The following ZBTB20 variants were observed in gnomAD, a reference collection of about 807,000 sequenced individuals.
ZBTB20 encodes zinc finger and BTB domain containing 20.
In ZBTB20, 9 loss-of-function variants were observed where a neutral mutation model predicts 56.9. That is an observed-to-expected ratio of 0.16 (90% CI 0.10 to 0.28). The LOEUF (loss-of-function observed/expected upper bound fraction) is 0.28, where lower values mean the gene tolerates loss of function less well. Ranked by LOEUF, ZBTB20 falls within the 10% of genes least tolerant of loss-of-function variation. ZBTB20 has a pLI of 1.00. For synonymous variants in ZBTB20, 417 were observed against 420.7 expected (o/e 0.99, Z 0.11); for missense variants, 655 against 1,003.0 (o/e 0.65, Z 4.69).
At position 114,315,605 on chromosome 3, in the gene ZBTB20, G is replaced by GTGTGTA. The variant is rs2078653198; in HGVS notation, c.*23399_*23400insTACACA. 1 of 151,886 alleles carries GTGTGTA rather than the reference G, an allele frequency of 6.6e-6. No homozygotes were observed. Among genetic ancestry groups the GTGTGTA allele is most frequent in the Non-Finnish European group, 1.5e-5 (1 of 68,704 alleles). The allele number at this position is 151,886 out of a possible 1,614,324, so 9.4% of individuals were successfully genotyped here. On this transcript the variant is annotated 3_prime_UTR_variant, in exon 12 of 12. Transcript: ENST00000675478. Reference sequence around the variant, plus strand: ...TGTGTGTGTGTGTGTGTGTGTGTGTGTACACAGTAGCAATTGCAAAAAAGG... The same window carrying GTGTGTA: ...TGTGTGTGTGTGTGTGTGTGTGTGTGTGTGTATACACAGTAGCAATTGCAAAAAAGG...
rs936584709 is a variant in ZBTB20 at position 114,588,372 on chromosome 3, A to G, written c.-294-87981T>C. ...TCTTAAAATGAATATGTGTCCAACC[A>G]GTGGAAACCTGAGTGAGGAATGTCT... On this transcript the variant is annotated intron_variant, in intron 6 of 11. Transcript: ENST00000675478. Among the ~76,000 whole-genome samples, 6 of 152,336 alleles carry G rather than the reference A, an allele frequency of 3.9e-5. No homozygotes were observed. In the East Asian group the frequency reaches 1.2e-3, roughly 29 times the overall value.
chr3:114,371,018 CAG>C (rs906036704), intron 10 of ZBTB20, among the ~76,000 whole-genome samples: 12 of 152,196 alleles, frequency 7.9e-5, no homozygotes, highest in African/African-American at 2.9e-4. Context: ...GAAATACTGA[CAG>C]TGCTGTCTGG....
chr3:114,375,292 T>TACTA (rs1472440035), intron 10 of ZBTB20, among the ~76,000 whole-genome samples: 21 of 152,204 alleles, frequency 1.4e-4, no homozygotes, highest in Admixed American at 9.8e-4. Context: ...AGAGTATTGC[T>TACTA]ACTAACGCCT....
chr3:114,797,533 A>T (rs780808197), intron 5 of ZBTB20, among the ~76,000 whole-genome samples: 1 of 151,972 alleles, frequency 6.6e-6, no homozygotes, highest in African/African-American at 2.4e-5. Flanking sequence ...TGTTTTGTCT[A>T]TAAGAAAGAT....
intron 3 of ZBTB20, among the ~76,000 whole-genome samples, chr3:114,919,388 G>A (rs911510047): frequency 1.3e-5 from 2 of 152,002 alleles, no homozygotes; most frequent in Non-Finnish European, 1.5e-5. Context: ...AAAGAAGACA[G>A]CAAGATTGGA....
At chr3:114,756,334 C>T (rs543115613) in intron 5 of ZBTB20, among the ~76,000 whole-genome samples, 1 of 152,046 alleles carries the variant, frequency 6.6e-6, no homozygotes, top group Non-Finnish European at 1.5e-5. Flanking sequence ...AATTAAAATA[C>T]CACCATGAAA....
chr3:114,499,392 C>T (rs774003756), intron 7 of ZBTB20, among the ~76,000 whole-genome samples: 1 of 152,138 alleles, frequency 6.6e-6, no homozygotes, highest in Admixed American at 6.5e-5. Flanking sequence ...AACAAAATAG[C>T]CATGGGAACC....
At chr3:114,986,694 G>T (rs1171894455) in intron 2 of ZBTB20, among the ~76,000 whole-genome samples, 2 of 151,896 alleles carry the variant, frequency 1.3e-5, no homozygotes, top group African/African-American at 4.8e-5. Flanking sequence ...CCTGTTTCTG[G>T]TTGATAGCTA....
At chr3:114,868,921 AT>A (rs144363988) in intron 4 of ZBTB20, among the ~76,000 whole-genome samples, 2 of 150,546 alleles carry the variant, frequency 1.3e-5, no homozygotes, top group South Asian at 2.1e-4. Context: ...CCTAACAGTC[AT>A]TTTTTTTTGC....
chr3:114,769,356 T>C (rs948679281), intron 5 of ZBTB20, among the ~76,000 whole-genome samples: 1 of 151,700 alleles, frequency 6.6e-6, no homozygotes, highest in Non-Finnish European at 1.5e-5. Context: ...AAAGAAACTG[T>C]GGTGTGCATA....
At chr3:114,921,264 A>G (rs921164165) in intron 3 of ZBTB20, among the ~76,000 whole-genome samples, 1 of 152,088 alleles carries the variant, frequency 6.6e-6, no homozygotes, top group Non-Finnish European at 1.5e-5. Flanking sequence ...CTGGGATTAC[A>G]GGCACCCACC....
At chr3:114,665,022 A>G (rs2060967481) in intron 6 of ZBTB20, among the ~76,000 whole-genome samples, 1 of 152,104 alleles carries the variant, frequency 6.6e-6, no homozygotes, top group Admixed American at 6.6e-5. Context: ...AGCAAGGAAA[A>G]GCTAAACTGA....
chr3:114,745,751 A>T (rs1001525693), intron 5 of ZBTB20, among the ~76,000 whole-genome samples: 3 of 152,196 alleles, frequency 2.0e-5, no homozygotes, highest in African/African-American at 7.2e-5. Context: ...AGAATAGGAA[A>T]ATGGAGAGAG....
intron 7 of ZBTB20, among the ~76,000 whole-genome samples, chr3:114,452,522 G>T (rs1047787705): frequency 3.3e-5 from 5 of 152,044 alleles, no homozygotes; most frequent in African/African-American, 4.8e-5. Flanking sequence ...ACATAGTAAG[G>T]TTTCCCGAAA....
intron 5 of ZBTB20, among the ~76,000 whole-genome samples, chr3:114,760,145 T>C (rs919008504): frequency 6.6e-6 from 1 of 152,216 alleles, no homozygotes; most frequent in African/African-American, 2.4e-5. Flanking sequence ...AAAAAAATTT[T>C]ATTAATGTCC....
intron 1 of ZBTB20, among the ~76,000 whole-genome samples, chr3:115,092,421 A>ATAC (rs1394817768): frequency 6.6e-6 from 1 of 152,150 alleles, no homozygotes; most frequent in African/African-American, 2.4e-5. Flanking sequence ...CACAGTTGTA[A>ATAC]TACTGGCCGA....
intron 1 of ZBTB20, among the ~76,000 whole-genome samples, chr3:115,146,376 C>G (rs1204225640): frequency 1.5e-4 from 21 of 135,790 alleles, no homozygotes; most frequent in South Asian, 9.8e-4. Flanking sequence ...CAGCTGGGGG[C>G]GGGGGGTGGG....
At chr3:114,461,785 T>G (rs1386535722) in intron 7 of ZBTB20, among the ~76,000 whole-genome samples, 1 of 152,214 alleles carries the variant, frequency 6.6e-6, no homozygotes, top group Non-Finnish European at 1.5e-5. Context: ...CTGAATCAGA[T>G]GCTCAGAGGT....
chr3:114,350,760 C>G lies in ZBTB20; in HGVS notation c.1318G>C (p.Glu440Gln). 6.2e-7 allele frequency: 1 copy of G among 1,614,130 alleles called. No homozygotes were observed. Among genetic ancestry groups the G allele is most frequent in the Non-Finnish European group, 8.5e-7 (1 of 1,180,002 alleles). Residue 440 changes from glutamate to glutamine, a missense_variant, in exon 11 of 12, where the codon GAG (glutamate) becomes CAG (glutamine). This residue lies in a region of ZBTB20 where 156 missense variants were observed against 181.0 expected (regional missense o/e 0.86). Coordinates refer to ENST00000675478, the MANE Select transcript of ZBTB20 (RefSeq NM_001348800.3). ...ASSPERSNEV[E>Q]MDSTVITVSN... ...ACAGTGATAACAGTGCTGTCCATCT[C>G]CACTTCATTGCTTCTCTCCGGAGAG...
Sources: allele counts gnomAD v4.1 joint callset (sites outside exome capture counted in the v4.1 genomes callset), GRCh38; gene constraint gnomAD v4.1.1; regional missense constraint gnomAD v4.1.1; transcripts MANE v1.5; gene names NCBI Gene and HGNC (gene_info 2026-07-23, HGNC 2026-07-21).